The following RBPMS variants were observed in gnomAD, a reference collection of about 807,000 sequenced individuals.
RBPMS encodes RNA-binding protein with multiple splicing.
A neutral mutation model predicts 26.8 loss-of-function variants in RBPMS; 7 were observed. The ratio of observed to expected loss-of-function variants is 0.26; its 90% CI spans 0.15 to 0.49. The LOEUF (loss-of-function observed/expected upper bound fraction) is 0.49, where lower values mean the gene tolerates loss of function less well. Ranked by LOEUF, RBPMS falls within the 20% of genes least tolerant of loss-of-function variation. The pLI is 0.98. For synonymous variants in RBPMS, 96 were observed against 93.3 expected, an observed-to-expected ratio of 1.03 and a Z score of -0.17; for missense variants, 186 against 250.0, an observed-to-expected ratio of 0.74 and a Z score of 1.73.
chr8:30,444,654 T>A (rs188243947), intron 1 of RBPMS: 2 of 152,348 alleles, frequency 1.3e-5, no homozygotes, highest in East Asian at 3.9e-4. Flanking sequence ...ATTTTTCGCA[T>A]ATTATCTCAT....
intron 1 of RBPMS, among the ~76,000 whole-genome samples, chr8:30,441,141 G>A (rs774556467): frequency 3.3e-5 from 5 of 152,104 alleles, no homozygotes; most frequent in Admixed American, 6.6e-5. Context: ...GATAGTAGCC[G>A]TAACTGTCCA....
At chr8:30,482,461 G>A (rs946789946) in intron 4 of RBPMS, among the ~76,000 whole-genome samples, 5 of 152,116 alleles carry the variant, frequency 3.3e-5, no homozygotes, top group African/African-American at 1.2e-4. Flanking sequence ...ATCTGGTTCA[G>A]TTGTTAGTAT....
intron 5 of RBPMS, among the ~76,000 whole-genome samples, chr8:30,539,487 T>C (rs1215659449): frequency 6.6e-6 from 1 of 152,126 alleles, no homozygotes; most frequent in Non-Finnish European, 1.5e-5. Flanking sequence ...TATGTGCTTA[T>C]TTCTCTCCCA....
intron 4 of RBPMS, among the ~76,000 whole-genome samples, chr8:30,480,355 G>A (rs1201526097): frequency 6.6e-6 from 1 of 152,190 alleles, no homozygotes; most frequent in Non-Finnish European, 1.5e-5. Context: ...ACCATGCAGA[G>A]TGCTGTTGGA....
chr8:30,563,824 C>T (rs773137582), intron 7 of RBPMS, among the ~76,000 whole-genome samples: 4 of 152,132 alleles, frequency 2.6e-5, no homozygotes, highest in African/African-American at 7.2e-5. Context: ...CCTGCTGTCA[C>T]GCTGGCCTCC....
intron 1 of RBPMS, among the ~76,000 whole-genome samples, chr8:30,460,795 G>A (rs1461675626): frequency 3.9e-5 from 6 of 152,104 alleles, no homozygotes; most frequent in East Asian, 1.9e-4. Flanking sequence ...GGTGGCTCAC[G>A]CCTGTAATCC....
Position 30,391,836 on chromosome 8 carries a change from A to G in RBPMS, c.66+6678A>G, listed in dbSNP as rs1020216308. Among the ~76,000 whole-genome samples, 11 of 152,278 alleles carry G rather than the reference A, an allele frequency of 7.2e-5. No individual in the cohort carries two copies. The South Asian group carries it at 1.2e-3, about 17-fold the overall frequency. ...GCTTGTCAGTGTTGCTGATAGCAGG[A>G]AAAAGGAAATACTGAAATCTTTAGC... On this transcript the variant is annotated intron_variant, in intron 1 of 8. Coordinates refer to ENST00000397323, the MANE Select transcript of RBPMS (RefSeq NM_001008710.3).
intron 4 of RBPMS, among the ~76,000 whole-genome samples, chr8:30,482,093 A>T (rs1818339928): frequency 6.6e-6 from 1 of 152,248 alleles, no homozygotes; most frequent in South Asian, 2.1e-4. Context: ...TTGGTATGTG[A>T]CCATGGAGCA....
Position 30,556,009 on chromosome 8 carries a change from A to AG in RBPMS, c.529-2872dup, listed in dbSNP as rs200568455. ...CTGGATGAGCCGCTCAGACTTGGCCAGGGGGGCACTGCCCTCTGCTGGAAG... is the reference window on the plus strand; with the variant it reads ...CTGGATGAGCCGCTCAGACTTGGCCAGGGGGGGCACTGCCCTCTGCTGGAAG... On this transcript the variant is annotated intron_variant, in intron 6 of 8. Transcript: ENST00000397323. The AG allele has an allele frequency of 1.8e-3, 1,764 of 985,340 alleles. 25 individuals are homozygous for AG. The African/African-American group carries it at 0.028, about 16-fold the overall frequency. 61.0% of individuals were successfully genotyped at this position (985,340 alleles called of 1,614,324 possible).
intron 5 of RBPMS, among the ~76,000 whole-genome samples, chr8:30,515,765 C>T (rs1242096949): frequency 6.6e-6 from 1 of 152,152 alleles, no homozygotes; most frequent in African/African-American, 2.4e-5. Flanking sequence ...AAGTGATCCT[C>T]CTGCCTCAGC....
At chr8:30,393,766 G>A (rs936556193) in intron 1 of RBPMS, among the ~76,000 whole-genome samples, 1 of 151,968 alleles carries the variant, frequency 6.6e-6, no homozygotes, top group East Asian at 1.9e-4. Context: ...TGATCCACCC[G>A]CCTCGGCCTG....
intron 1 of RBPMS, among the ~76,000 whole-genome samples, chr8:30,412,409 A>G (rs1186539424): frequency 6.6e-6 from 1 of 151,880 alleles, no homozygotes; most frequent in African/African-American, 2.4e-5. Flanking sequence ...TGTTCCCGGA[A>G]TGGGCTCAGG....
At chr8:30,549,772 T>TCTCTCTCTCTC (rs1554543821) in intron 6 of RBPMS, among the ~76,000 whole-genome samples, 1 of 71,214 alleles carries the variant, frequency 1.4e-5, no homozygotes, top group African/African-American at 7.5e-5. Context: ...TTTTCTTTTC[T>TCTCTCTCTCTC]TCTCTCTCTC....
chr8:30,493,349 T>G (rs1387566551), intron 4 of RBPMS, among the ~76,000 whole-genome samples: 1 of 152,180 alleles, frequency 6.6e-6, no homozygotes, highest in Non-Finnish European at 1.5e-5. Context: ...GGGGAAAGAA[T>G]GTATGCCAAT....
intron 5 of RBPMS, among the ~76,000 whole-genome samples, chr8:30,507,467 T>C (rs1261158403): frequency 1.3e-5 from 2 of 152,200 alleles, no homozygotes; most frequent in Non-Finnish European, 2.9e-5. Context: ...TTACAGCAGA[T>C]ATTGATCTTC....
rs1426234607 is a variant in RBPMS at position 30,558,934 on chromosome 8, C to T, written c.576C>T (p.Ser192=). 6.2e-7 allele frequency: 1 copy of T among 1,613,976 alleles called. No homozygotes were observed. The highest frequency in any genetic ancestry group is 8.5e-7 in the Non-Finnish European group (1 of 1,180,012). ...PSEATSQGWK[S]RQFC ...AGGCTACTTCTCAGGGCTGGAAGTC[C>T]CGTCAGTTCTGCTGAATACTATGTA... Residue 192 remains serine (S), a synonymous_variant, in exon 7 of 9, where the codon TCC becomes TCT. Transcript: ENST00000397323.
chr8:30,441,381 A>G (rs1369319736), intron 1 of RBPMS, among the ~76,000 whole-genome samples: 1 of 152,166 alleles, frequency 6.6e-6, no homozygotes, highest in Non-Finnish European at 1.5e-5. Flanking sequence ...AAAGCAGTGG[A>G]ACATCATGGT....
rs1202518345 is a variant in RBPMS, at chr8:30,539,612, C to CT, written c.398-4874dup. On this transcript the variant is annotated intron_variant, in intron 5 of 8. Coordinates refer to ENST00000397323, the MANE Select transcript of RBPMS (RefSeq NM_001008710.3). ...CAAATGGTTGATTTTTTTTTTTAATCTTTTTTTTAAAAAATCTTTTCTTTT... is the reference window on the plus strand; with the variant it reads ...CAAATGGTTGATTTTTTTTTTTAATCTTTTTTTTTAAAAAATCTTTTCTTTT... Among the ~76,000 whole-genome samples, 44 of 147,776 alleles carry CT rather than the reference C, an allele frequency of 3.0e-4. No individual in the cohort carries two copies. In the East Asian group the frequency reaches 7.9e-3, roughly 27 times the overall value.
At position 30,549,750 on chromosome 8, in the gene RBPMS, C is replaced by CCTTTT. The variant is rs796809216; in HGVS notation, c.528+5145_528+5149dup. Among the ~76,000 whole-genome samples, 577 of 76,208 alleles carry CCTTTT rather than the reference C, an allele frequency of 7.6e-3. 10 individuals carry two copies. Among genetic ancestry groups the CCTTTT allele is most frequent in the South Asian group, 0.042 (113 of 2,720 alleles). The allele number at this position is 76,208 out of a possible 152,430, so 50.0% of individuals were successfully genotyped here. ...GATTTCTTTCTTTCTTTCTTTCTTT[C>CCTTTT]CTTTTCTTTTCTTTTCTTTTCTTCT... On this transcript the variant is annotated intron_variant, in intron 6 of 8. Coordinates refer to ENST00000397323, the MANE Select transcript of RBPMS (RefSeq NM_001008710.3).
Sources: allele counts gnomAD v4.1 joint callset (sites outside exome capture counted in the v4.1 genomes callset), GRCh38; gene constraint gnomAD v4.1.1; transcripts MANE v1.5; gene names NCBI Gene and HGNC (gene_info 2026-07-23, HGNC 2026-07-21).